Variants in VPS13C observed in about 807,000 individuals in gnomAD.
The protein encoded by VPS13C is vacuolar protein sorting 13 homolog C, also known as intermembrane lipid transfer protein VPS13C.
In VPS13C, 358 loss-of-function variants were observed where a neutral mutation model predicts 456.8. The ratio of observed to expected loss-of-function variants is 0.78; its 90% CI spans 0.72 to 0.86. The LOEUF (loss-of-function observed/expected upper bound fraction) is 0.86. VPS13C is among the 40% of genes least tolerant of loss of function. VPS13C has a pLI of 0.00. For missense variants in VPS13C, 4,818 were observed against 4,385.4 expected, an observed-to-expected ratio of 1.10 and a Z score of -2.79; for synonymous variants, 1,578 against 1,486.7, an observed-to-expected ratio of 1.06 and a Z score of -1.41.
At chr15:61,857,478 C>A (rs544602747) in intron 82 of VPS13C, among the ~76,000 whole-genome samples, 9 of 152,120 alleles carry the variant, frequency 5.9e-5, no homozygotes, top group South Asian at 2.1e-4. Context: ...TGGAGGTCTG[C>A]AGCTGGAATA....
rs2045088978 is a variant in VPS13C, at chr15:61,958,619, A to G, written c.4154T>C (p.Val1385Ala). ...TGTCAGCCTCTTACCTGTCTCTTGT[A>G]CTCTTGGTTTCACTTTATCCAAGTC... is the stretch of plus-strand genomic sequence containing the variant. ...TEDLDKVKPRVQETGEIKEPL... is the reference protein window; with the variant it reads ...TEDLDKVKPRAQETGEIKEPL... Residue 1385 changes from valine to alanine, a missense_variant, in exon 37 of 85, where the codon GTA becomes GCA. Around this residue, in one of 3 missense-constraint regions of VPS13C, gnomAD observed 4,552 missense variants for 4,130.6 expected, o/e 1.10. Transcript: ENST00000644861. 1 of 1,566,102 alleles carries G rather than the reference A, an allele frequency of 6.4e-7. No individual in the cohort carries two copies. The highest frequency in any genetic ancestry group is 1.4e-5 in the African/African-American group (1 of 71,952).
chr15:61,936,693 C>T lies in VPS13C; in HGVS notation c.5659G>A (p.Gly1887Arg), dbSNP rs371161383. The part of the protein sequence containing the change: ...VLMKILLENL[G>R]EASSQPSPTQ... Reference sequence around the variant, plus strand: ...GGGCTTGGTTGTGAGGAAGCTTCTCCAAGATTTTCTAGCAAAATTTTCATT... The same window carrying T: ...GGGCTTGGTTGTGAGGAAGCTTCTCTAAGATTTTCTAGCAAAATTTTCATT... The change falls in exon 48 of 85, where the codon GGA (glycine) becomes AGA (arginine). Residue 1887 changes from glycine (G) to arginine (R), a missense_variant. This residue lies in a region of VPS13C where 4,552 missense variants were observed against 4,130.6 expected (regional missense o/e 1.10). Coordinates refer to ENST00000644861, the MANE Select transcript of VPS13C (RefSeq NM_020821.3). 6.2e-7 allele frequency: 1 copy of T among 1,612,064 alleles called. No homozygotes were observed. The highest frequency in any genetic ancestry group is 8.5e-7 in the Non-Finnish European group (1 of 1,179,224).
rs1894076384 is a variant in VPS13C at position 61,858,934 on chromosome 15, A to G, written c.10953-2525T>C. Among the ~76,000 whole-genome samples, 1 of 152,230 alleles carries G rather than the reference A, an allele frequency of 6.6e-6. No homozygotes were observed. The highest frequency in any genetic ancestry group is 2.4e-5 in the African/African-American group (1 of 41,450). The stretch of plus-strand genomic sequence containing the variant: ...CTCTGGACTGATTCTCTTCCAGTAT[A>G]ACATCCAAACCGCCAAGGATCTTTT... On this transcript the variant is annotated intron_variant, in intron 82 of 84. Transcript: ENST00000644861. This position sits in a 1 kb window ranked among gnomAD's most constrained non-coding sequence, Gnocchi z 4.4.
At chr15:61,955,724 T>C (rs545348628) in intron 37 of VPS13C, among the ~76,000 whole-genome samples, 1 of 152,244 alleles carries the variant, frequency 6.6e-6, no homozygotes, top group Non-Finnish European at 1.5e-5. Flanking sequence ...AACCAGTAAA[T>C]TTAAGTTGAT....
At chr15:61,980,549 T>C (rs1596414914) in intron 22 of VPS13C, among the ~76,000 whole-genome samples, 1 of 152,164 alleles carries the variant, frequency 6.6e-6, no homozygotes, top group Non-Finnish European at 1.5e-5. Flanking sequence ...ATGAGGGCAG[T>C]TGTATAAGAT....
At chr15:62,007,283 TCTCA>T (rs1336157229) in intron 15 of VPS13C, 21 bp downstream of exon 15, 30 of 1,474,346 alleles carry the variant, frequency 2.0e-5, no homozygotes, top group Non-Finnish European at 2.6e-5. Flanking sequence ...AAATAATAGC[TCTCA>T]CTAATATATG....
chr15:61,936,201 C>T (rs1186028999), intron 48 of VPS13C, among the ~76,000 whole-genome samples: 1 of 152,106 alleles, frequency 6.6e-6, no homozygotes, highest in African/African-American at 2.4e-5. Flanking sequence ...ATAAATAAAG[C>T]TGTTACAAGA....
intron 57 of VPS13C, among the ~76,000 whole-genome samples, chr15:61,919,818 T>C (rs1348026806): frequency 2.0e-5 from 3 of 147,666 alleles, no homozygotes; most frequent in African/African-American, 7.4e-5. Flanking sequence ...ATATATAATA[T>C]TTATATATAT....
chr15:62,024,871 G>A (rs529887890), intron 6 of VPS13C, among the ~76,000 whole-genome samples: 1 of 152,058 alleles, frequency 6.6e-6, no homozygotes, highest in Admixed American at 6.5e-5. Flanking sequence ...GTCATTCCGT[G>A]AACTTCCGTC....
intron 1 of VPS13C, among the ~76,000 whole-genome samples, chr15:62,048,935 CT>C (rs1282345179): frequency 2.0e-5 from 3 of 151,908 alleles, no homozygotes; most frequent in Non-Finnish European, 4.4e-5. Flanking sequence ...CCTTTGCCCA[CT>C]TTTTGATGGG....
At position 61,854,443 on chromosome 15, in the gene VPS13C, C is replaced by T. The variant is rs186236026; in HGVS notation, c.*14G>A. 2.1e-5 allele frequency: 34 copies of T among 1,610,768 alleles called. No homozygotes were observed. The Admixed American group carries it at 4.5e-4, about 21-fold the overall frequency. The stretch of plus-strand genomic sequence containing the variant: ...ATTGTTTTTTCTCCCTGTTGGAGCC[C>T]CTGAGGTCTGTGATTAAGATGGCAA... On this transcript the variant is annotated 3_prime_UTR_variant, in exon 85 of 85. Transcript: ENST00000644861.
chr15:61,907,199 G>A lies in VPS13C; in HGVS notation c.9105+65C>T. On this transcript the variant is annotated intron_variant, in intron 66 of 84. Transcript: ENST00000644861. ...TCAATTAGGACAAGGAGTCAGTGAA[G>A]ATAGCTTCTCTACTTCCTTCACTGT... 2.5e-6 allele frequency: 4 copies of A among 1,607,698 alleles called. No individual in the cohort carries two copies. The Admixed American group carries it at 6.7e-5, about 27-fold the overall frequency.
intron 22 of VPS13C, among the ~76,000 whole-genome samples, chr15:61,980,585 C>T (rs1421640853): frequency 6.6e-6 from 1 of 151,922 alleles, no homozygotes; most frequent in Non-Finnish European, 1.5e-5. Flanking sequence ...ATTAGGCGCC[C>T]AACTTACAGT....
In VPS13C at chr15:61,875,863, T is replaced by G. The variant is rs774825147; in HGVS notation, c.10225-18A>C. 1 of 1,452,562 alleles carries G rather than the reference T, an allele frequency of 6.9e-7. No individual in the cohort carries two copies. Among genetic ancestry groups the G allele is most frequent in the Non-Finnish European group, 9.4e-7 (1 of 1,065,814 alleles). 90.0% of individuals were successfully genotyped at this position (1,452,562 alleles called of 1,614,324 possible). On this transcript the variant is annotated intron_variant, in intron 75 of 84. Coordinates refer to ENST00000644861, the MANE Select transcript of VPS13C (RefSeq NM_020821.3). The stretch of plus-strand genomic sequence containing the variant: ...TTCAAGAACTAAAAAAGAAAAAAAA[T>G]TAAATTAAGTCCTTCACAACTATTG...
chr15:61,968,446 G>C (rs1596397524), intron 28 of VPS13C, among the ~76,000 whole-genome samples: 1 of 152,006 alleles, frequency 6.6e-6, no homozygotes, highest in South Asian at 2.1e-4. Flanking sequence ...TTTTATATAA[G>C]GAACTTGAGC....
chr15:61,927,543 ACCAC>A (rs1328845388), intron 51 of VPS13C, among the ~76,000 whole-genome samples: 1 of 152,248 alleles, frequency 6.6e-6, no homozygotes, highest in African/African-American at 2.4e-5. Flanking sequence ...GAATACCATT[ACCAC>A]TTTGACCTAG....
In VPS13C at chr15:61,882,654, A is replaced by G. The variant is rs1197644466; in HGVS notation, c.9566T>C (p.Ile3189Thr). 1.9e-6 allele frequency: 3 copies of G among 1,604,294 alleles called. No individual in the cohort carries two copies. Among genetic ancestry groups the G allele is most frequent in the Non-Finnish European group, 2.6e-6 (3 of 1,175,558 alleles). ...IKRDFLSGIQ[I>T]EFKQSSHQRS... is the part of the protein sequence containing the mutation. ...CTGGTGAGAAGACTGCTTAAATTCA[A>G]TCTGAATTCCTGATAAAAAGTCTCG... Residue 3189 changes from isoleucine (I) to threonine (T), a missense_variant, in exon 69 of 85, where the codon ATT becomes ACT. Ile to Thr is a moderately conservative substitution (Grantham distance 89). Transcript: ENST00000644861.
chr15:61,886,228 T>C (rs1896261666), intron 67 of VPS13C, among the ~76,000 whole-genome samples: 1 of 152,158 alleles, frequency 6.6e-6, no homozygotes, highest in South Asian at 2.1e-4. Context: ...TGTTAAGATA[T>C]TCCGTGTGAT....
rs567488675 is a variant in VPS13C at position 61,856,009 on chromosome 15, C to A, written c.11076+277G>T. Among the ~76,000 whole-genome samples, 239 of 151,112 alleles carry A rather than the reference C, an allele frequency of 1.6e-3. 2 individuals are homozygous for A. The South Asian group carries it at 0.023, about 15-fold the overall frequency. ...TGTCCATATGAAGTTAAAAAAAAAA[C>A]CTCTCCTATTTACTAATGCTTAATT... is the stretch of plus-strand genomic sequence containing the variant. On this transcript the variant is annotated intron_variant, in intron 83 of 84. Coordinates refer to ENST00000644861, the MANE Select transcript of VPS13C (RefSeq NM_020821.3).
Sources: allele counts gnomAD v4.1 joint callset (sites outside exome capture counted in the v4.1 genomes callset), GRCh38; gene constraint gnomAD v4.1.1; regional missense constraint gnomAD v4.1.1; non-coding constraint Gnocchi (gnomAD v3.1); transcripts MANE v1.5; gene names NCBI Gene and HGNC (gene_info 2026-07-23, HGNC 2026-07-21).